Variants in FKBP5 observed in about 807,000 individuals in gnomAD.
The protein encoded by FKBP5 is peptidyl-prolyl cis-trans isomerase FKBP5.
FKBP5 carries 23 observed loss-of-function variants against 50.5 expected under a neutral mutation model. The observed-to-expected ratio is 0.46, with a 90% CI of 0.33 to 0.65. The LOEUF (loss-of-function observed/expected upper bound fraction) is 0.65. FKBP5 is among the 30% of genes least tolerant of loss of function. The pLI is 0.02. For missense variants in FKBP5, 411 were observed against 553.1 expected, an observed-to-expected ratio of 0.74 and a Z score of 2.58; for synonymous variants, 176 against 190.6, an observed-to-expected ratio of 0.92 and a Z score of 0.63.
chr6:35,684,736 C>A (rs571354140), intron 1 of FKBP5, among the ~76,000 whole-genome samples: 29 of 152,130 alleles, frequency 1.9e-4, no homozygotes, highest in Non-Finnish European at 4.0e-4. Flanking sequence ...TTCCAAGAGG[C>A]TATAAGTCGG....
chr6:35,672,838 G>C (rs544680593), intron 1 of FKBP5, among the ~76,000 whole-genome samples: 1 of 151,924 alleles, frequency 6.6e-6, no homozygotes, highest in African/African-American at 2.4e-5. Context: ...GCTGAGGCAG[G>C]AGAATGGCGT....
At chr6:35,586,796 C>T (rs1762613565) in intron 8 of FKBP5, 1 of 1,394,328 alleles carries the variant, frequency 7.2e-7, no homozygotes, top group Admixed American at 2.9e-5. Flanking sequence ...CCTGGTCTGC[C>T]TGTATGGAAG....
chr6:35,586,229 C>A, intron 8 of FKBP5: 6 of 984,962 alleles, frequency 6.1e-6, no homozygotes, highest in Non-Finnish European at 7.2e-6. Context: ...TTTTTTCTTA[C>A]ATCTAGAGGT....
At chr6:35,697,630 G>A (rs897465654) in intron 2 of FKBP5, among the ~76,000 whole-genome samples, 7 of 151,614 alleles carry the variant, frequency 4.6e-5, no homozygotes, top group African/African-American at 1.7e-4. Flanking sequence ...GAAACTAGTC[G>A]GTCATAAAAT....
intron 6 of FKBP5, among the ~76,000 whole-genome samples, chr6:35,595,276 A>G (rs1412488846): frequency 6.6e-6 from 1 of 152,228 alleles, no homozygotes; most frequent in Non-Finnish European, 1.5e-5. Flanking sequence ...CTGTCCCCAC[A>G]ATTGCCTTGT....
chr6:35,683,128 G>A (rs1375171423), intron 1 of FKBP5, among the ~76,000 whole-genome samples: 10 of 44,460 alleles, frequency 2.2e-4, no homozygotes, highest in African/African-American at 4.4e-4. Context: ...ATATGTGTGT[G>A]TGTGTGTGTG....
intron 1 of FKBP5, among the ~76,000 whole-genome samples, chr6:35,651,388 C>A (rs906978695): frequency 6.6e-6 from 1 of 152,038 alleles, no homozygotes; most frequent in Non-Finnish European, 1.5e-5. Context: ...CAATTTAATT[C>A]GAACATTTCA....
intron 2 of FKBP5, among the ~76,000 whole-genome samples, chr6:35,716,525 C>G (rs1766514965): frequency 6.6e-6 from 1 of 152,070 alleles, no homozygotes; most frequent in Non-Finnish European, 1.5e-5. Flanking sequence ...GTTCCCCAGT[C>G]TCTCACACCA....
intron 1 of FKBP5, among the ~76,000 whole-genome samples, chr6:35,649,614 GTAGA>G (rs1310499393): frequency 6.6e-6 from 1 of 152,134 alleles, no homozygotes. Flanking sequence ...GAAGAGAGAT[GTAGA>G]GAGAGGCAAA....
At chr6:35,601,150 C>CT (rs1421118592) in intron 5 of FKBP5, among the ~76,000 whole-genome samples, 4 of 152,164 alleles carry the variant, frequency 2.6e-5, no homozygotes, top group Non-Finnish European at 2.9e-5. Context: ...GTGGACTAAT[C>CT]TTTTTTTTCC....
At chr6:35,715,712 G>A (rs985298134) in intron 2 of FKBP5, among the ~76,000 whole-genome samples, 4 of 152,222 alleles carry the variant, frequency 2.6e-5, no homozygotes, top group Admixed American at 2.0e-4. Context: ...GTGCATGGCC[G>A]GCTGGCTGTG....
intron 6 of FKBP5, among the ~76,000 whole-genome samples, chr6:35,594,109 C>T (rs1390699027): frequency 2.6e-5 from 4 of 151,936 alleles, no homozygotes; most frequent in African/African-American, 7.3e-5. Context: ...ATCCCAAGCA[C>T]TTTGGGAGGC....
chr6:35,676,575 A>C (rs949707505), intron 1 of FKBP5, among the ~76,000 whole-genome samples: 5 of 152,248 alleles, frequency 3.3e-5, no homozygotes, highest in Admixed American at 2.6e-4. Context: ...GGAATGGTTT[A>C]TTTTTCTCTT....
At chr6:35,631,371 C>T (rs902214599) in intron 3 of FKBP5, among the ~76,000 whole-genome samples, 6 of 152,010 alleles carry the variant, frequency 3.9e-5, no homozygotes, top group Non-Finnish European at 8.8e-5. Flanking sequence ...CTACAAAAGG[C>T]AAAATTATAG....
chr6:35,675,981 C>A (rs952850411), intron 1 of FKBP5, among the ~76,000 whole-genome samples: 1 of 152,074 alleles, frequency 6.6e-6, no homozygotes, highest in African/African-American at 2.4e-5. Context: ...ACTATTGGGA[C>A]ATCTGAATTT....
At chr6:35,663,499 C>T (rs1286669449) in intron 1 of FKBP5, among the ~76,000 whole-genome samples, 1 of 152,236 alleles carries the variant, frequency 6.6e-6, no homozygotes, top group Non-Finnish European at 1.5e-5. Context: ...CCATCTCACA[C>T]AGGATAAAAT....
intron 2 of FKBP5, among the ~76,000 whole-genome samples, chr6:35,712,570 AC>A (rs1279501533): frequency 6.6e-6 from 1 of 152,082 alleles, no homozygotes; most frequent in South Asian, 2.1e-4. Flanking sequence ...TTCTCTCACT[AC>A]CTGCCCCTTC....
chr6:35,606,694 A>G (rs1291717860), intron 5 of FKBP5, among the ~76,000 whole-genome samples: 3 of 125,256 alleles, frequency 2.4e-5, no homozygotes, highest in East Asian at 2.3e-4. Flanking sequence ...AAAAAAAAAA[A>G]AAGTCAAAAA....
intron 1 of FKBP5, among the ~76,000 whole-genome samples, chr6:35,653,104 C>G (rs1195339845): frequency 1.3e-5 from 2 of 152,176 alleles, no homozygotes; most frequent in African/African-American, 4.8e-5. Context: ...CTCAAGCCTG[C>G]AATCCCCACA....
Sources: gnomAD v4.1 joint callset for allele counts (sites outside exome capture counted in the v4.1 genomes callset) on GRCh38, gnomAD v4.1.1 for gene constraint, MANE v1.5 for transcripts, NCBI Gene and HGNC (gene_info 2026-07-23, HGNC 2026-07-21) for gene names.